Variants in LGSN observed in about 807,000 individuals in gnomAD.
LGSN encodes the protein lengsin.
A neutral mutation model predicts 19.5 loss-of-function variants in LGSN; 21 were observed. That is an observed-to-expected ratio of 1.07 (90% confidence interval 0.76 to 1.55). The LOEUF (loss-of-function observed/expected upper bound fraction) is 1.55. LGSN is among the 40% of genes most tolerant of loss of function. The probability of loss-of-function intolerance (pLI) is 0.00; values close to 1 mark genes in which losing one functional copy is unlikely to be tolerated. For synonymous variants in LGSN, 257 were observed against 215.6 expected (o/e 1.19, Z -1.68); for missense variants, 673 against 608.5 (o/e 1.11, Z -1.12).
At chr6:63,542,158 G>A in the LGSN span, among the ~76,000 whole-genome samples, 1 of 151,954 alleles carries the variant, frequency 6.6e-6, no homozygotes, top group Non-Finnish European at 1.5e-5. Context: ...TAGTCTAAGT[G>A]AAGTAACTCA....
the LGSN span, among the ~76,000 whole-genome samples, chr6:63,416,169 T>C: frequency 6.6e-6 from 1 of 150,962 alleles, no homozygotes; most frequent in African/African-American, 2.4e-5. Flanking sequence ...GCTCCATGGC[T>C]CATCTCTGAA....
At chr6:63,412,012 A>G in the LGSN span, among the ~76,000 whole-genome samples, 4 of 152,226 alleles carry the variant, frequency 2.6e-5, no homozygotes, top group African/African-American at 9.6e-5. Context: ...ATTTCTTCTT[A>G]TACTAAAGGT....
At chr6:63,560,402 CTTT>C in the LGSN span, among the ~76,000 whole-genome samples, 1 of 141,586 alleles carries the variant, frequency 7.1e-6, no homozygotes. Context: ...AACACAAAGC[CTTT>C]TTTTTTTTTT....
the LGSN span, among the ~76,000 whole-genome samples, chr6:63,367,205 A>C: frequency 6.6e-6 from 1 of 152,370 alleles, no homozygotes; most frequent in South Asian, 2.1e-4. Context: ...ACAAAGGGCT[A>C]ATATCCAGAA....
chr6:63,495,216 G>T, the LGSN span, among the ~76,000 whole-genome samples: 1 of 151,952 alleles, frequency 6.6e-6, no homozygotes, highest in African/African-American at 2.4e-5. Flanking sequence ...GCCAGATTTT[G>T]CATAAGGGTT....
chr6:63,569,865 C>T, the LGSN span, among the ~76,000 whole-genome samples: 1 of 152,194 alleles, frequency 6.6e-6, no homozygotes, highest in African/African-American at 2.4e-5. Flanking sequence ...TGCTAATGCT[C>T]TGAGTGCAAG....
At chr6:63,419,875 C>T in the LGSN span, among the ~76,000 whole-genome samples, 1 of 86,420 alleles carries the variant, frequency 1.2e-5, no homozygotes, top group African/African-American at 4.7e-5. Flanking sequence ...AGCGAAACTC[C>T]CTCCCAAAAA....
At chr6:63,455,953 G>A in the LGSN span, among the ~76,000 whole-genome samples, 2 of 151,864 alleles carry the variant, frequency 1.3e-5, no homozygotes, top group Non-Finnish European at 2.9e-5. Flanking sequence ...ACAAGAGCCA[G>A]GTGCAGTGGC....
At chr6:63,505,312 C>T in the LGSN span, among the ~76,000 whole-genome samples, 4 of 151,798 alleles carry the variant, frequency 2.6e-5, no homozygotes, top group South Asian at 8.3e-4. Flanking sequence ...CGTAGTGTCT[C>T]ACATCTGTAA....
At chr6:63,441,788 C>T in the LGSN span, 4 of 338,300 alleles carry the variant, frequency 1.2e-5, no homozygotes, top group African/African-American at 6.6e-5. Flanking sequence ...GAAGCACACT[C>T]GTTTCTGGGC....
At chr6:63,451,272 A>G in the LGSN span, among the ~76,000 whole-genome samples, 2 of 152,236 alleles carry the variant, frequency 1.3e-5, no homozygotes, top group Non-Finnish European at 2.9e-5. Context: ...ATTCTATTAT[A>G]AAGACACATA....
chr6:63,570,958 G>T, the LGSN span: 11 of 152,044 alleles, frequency 7.2e-5, no homozygotes, highest in African/African-American at 1.2e-4. Context: ...TACCACCCAA[G>T]ATTTTTAAGC....
At chr6:63,398,569 G>C in the LGSN span, among the ~76,000 whole-genome samples, 12 of 152,128 alleles carry the variant, frequency 7.9e-5, no homozygotes, top group East Asian at 1.7e-3. Context: ...TATTACAAAA[G>C]AGTAAAATAA....
At chr6:63,387,624 T>C in the LGSN span, among the ~76,000 whole-genome samples, 2 of 152,238 alleles carry the variant, frequency 1.3e-5, no homozygotes, top group African/African-American at 2.4e-5. Context: ...GTACAAAAAG[T>C]TAGAGCCTGA....
chr6:63,365,788 C>A, the LGSN span, among the ~76,000 whole-genome samples: 14 of 152,174 alleles, frequency 9.2e-5, no homozygotes. Context: ...TCAACATATG[C>A]AAATCAATAA....
upstream of LGSN, among the ~76,000 whole-genome samples, chr6:63,322,103 C>A (rs1166778918): frequency 6.6e-6 from 1 of 152,126 alleles, no homozygotes; most frequent in Non-Finnish European, 1.5e-5. Flanking sequence ...ATGTTGTTTA[C>A]CACTAAGTTA....
chr6:63,379,489 G>A, the LGSN span, among the ~76,000 whole-genome samples: 1 of 152,164 alleles, frequency 6.6e-6, no homozygotes, highest in Non-Finnish European at 1.5e-5. Flanking sequence ...ATAGGATAAA[G>A]GTGGAAGTGC....
chr6:63,334,526 C>A, the LGSN span, among the ~76,000 whole-genome samples: 1 of 152,106 alleles, frequency 6.6e-6, no homozygotes, highest in Non-Finnish European at 1.5e-5. Flanking sequence ...GTGAAAATGA[C>A]CACACTGCCC....
At chr6:63,549,243 T>A in the LGSN span, 1 of 741,064 alleles carries the variant, frequency 1.3e-6, no homozygotes. Flanking sequence ...AGCTGTTTGG[T>A]GGTCCAGGGC....
Sources: gnomAD v4.1 joint callset for allele counts (sites outside exome capture counted in the v4.1 genomes callset) on GRCh38, gnomAD v4.1.1 for gene constraint, MANE v1.5 for transcripts, NCBI Gene and HGNC (gene_info 2026-07-23, HGNC 2026-07-21) for gene names.